Variants in NALF1 observed in about 807,000 individuals in gnomAD.
NALF1 encodes NALCN channel auxiliary factor 1.
In NALF1, 3 loss-of-function variants were observed where a neutral mutation model predicts 48.4. The observed-to-expected ratio is 0.06, with a 90% CI of 0.03 to 0.16. The LOEUF (loss-of-function observed/expected upper bound fraction) is 0.16. NALF1 is among the 10% of genes least tolerant of loss of function. The probability of loss-of-function intolerance (pLI) is 1.00; values close to 1 mark genes in which losing one functional copy is unlikely to be tolerated. For synonymous variants in NALF1, 262 were observed against 245.7 expected, an observed-to-expected ratio of 1.07 and a Z score of -0.62; for missense variants, 526 against 571.5, an observed-to-expected ratio of 0.92 and a Z score of 0.81.
At chr13:107,593,731 C>T (rs772486913) in intron 1 of NALF1, among the ~76,000 whole-genome samples, 4 of 151,452 alleles carry the variant, frequency 2.6e-5, no homozygotes, top group Non-Finnish European at 1.5e-5. Context: ...AATAAAACAA[C>T]CGTTTAATGC....
chr13:107,602,992 TAGAC>T (rs773532036), intron 1 of NALF1, among the ~76,000 whole-genome samples: 58 of 152,310 alleles, frequency 3.8e-4, no homozygotes, highest in African/African-American at 1.3e-3. Context: ...TCTCTTAACA[TAGAC>T]AGACTCTCTG....
intron 1 of NALF1, among the ~76,000 whole-genome samples, chr13:107,724,402 C>A (rs1359043416): frequency 6.6e-6 from 1 of 152,070 alleles, no homozygotes; most frequent in Non-Finnish European, 1.5e-5. Flanking sequence ...TATCTTATTT[C>A]TTTTTAATGT....
At chr13:107,489,247 C>A (rs1885378519) in intron 1 of NALF1, among the ~76,000 whole-genome samples, 1 of 152,090 alleles carries the variant, frequency 6.6e-6, no homozygotes, top group Admixed American at 6.6e-5. Flanking sequence ...ATTAAACTAC[C>A]AATGACATTA....
In NALF1 at chr13:107,611,764, G is replaced by A. The variant is rs1287568392; in HGVS notation, c.915+253918C>T. ...AAAGCAAGAGAGAGATAAAAAAAGA[G>A]AACAAAAAATTAGCAGGGAATGGTG... On this transcript the variant is annotated intron_variant, in intron 1 of 2. Transcript: ENST00000375915. Among the ~76,000 whole-genome samples the A allele has an allele frequency of 5.3e-5, 8 of 151,168 alleles. No homozygotes were observed. The East Asian group carries it at 1.4e-3, about 26-fold the overall frequency.
chr13:107,831,919 A>C (rs1201689569), intron 1 of NALF1, among the ~76,000 whole-genome samples: 1 of 152,210 alleles, frequency 6.6e-6, no homozygotes. Context: ...AAGACAGTTA[A>C]TTTTAAGGAA....
intron 1 of NALF1, among the ~76,000 whole-genome samples, chr13:107,492,561 T>G (rs1875177345): frequency 2.0e-5 from 3 of 152,160 alleles, no homozygotes; most frequent in African/African-American, 7.2e-5. Context: ...CTCGCCTTAC[T>G]CAACAGCTTG....
At chr13:107,631,543 C>T (rs1298129570) in intron 1 of NALF1, among the ~76,000 whole-genome samples, 2 of 152,050 alleles carry the variant, frequency 1.3e-5, no homozygotes, top group African/African-American at 4.8e-5. Context: ...ACTGAGTTTA[C>T]TAAATATCCA....
At chr13:107,538,790 T>A (rs1876914829) in intron 1 of NALF1, among the ~76,000 whole-genome samples, 1 of 152,202 alleles carries the variant, frequency 6.6e-6, no homozygotes, top group South Asian at 2.1e-4. Context: ...GGATCCTATC[T>A]GTTCCACAAG....
chr13:107,537,829 C>A (rs368829441), intron 1 of NALF1, among the ~76,000 whole-genome samples: 1 of 152,010 alleles, frequency 6.6e-6, no homozygotes, highest in Non-Finnish European at 1.5e-5. Flanking sequence ...ACCAGCCTGG[C>A]CAACATGGTG....
chr13:107,583,699 T>C lies in NALF1; in HGVS notation c.915+281983A>G, dbSNP rs9559071. On this transcript the variant is annotated intron_variant, in intron 1 of 2. Coordinates refer to ENST00000375915, the MANE Select transcript of NALF1 (RefSeq NM_001080396.3). ...GGATTCTTTACCTGGCATCAGTAAA[T>C]ACACATTTTTGGAAGTACTTAACCT... Among the ~76,000 whole-genome samples, 3,369 of 152,292 alleles carry C rather than the reference T, an allele frequency of 0.022. 216 individuals carry two copies. The East Asian group carries it at 0.26, about 12-fold the overall frequency.
intron 1 of NALF1, among the ~76,000 whole-genome samples, chr13:107,498,643 C>T (rs1457850036): frequency 6.6e-6 from 1 of 152,008 alleles, no homozygotes; most frequent in Non-Finnish European, 1.5e-5. Flanking sequence ...TGAGGAATTC[C>T]TGGCAAATGA....
At chr13:107,187,101 C>T (rs971204634) in intron 2 of NALF1, among the ~76,000 whole-genome samples, 3 of 152,172 alleles carry the variant, frequency 2.0e-5, no homozygotes, top group South Asian at 4.1e-4. Flanking sequence ...TCTTCTGTCT[C>T]GTCTCTTTGA....
chr13:107,624,469 G>A (rs1472024766), intron 1 of NALF1, among the ~76,000 whole-genome samples: 2 of 152,116 alleles, frequency 1.3e-5, no homozygotes, highest in East Asian at 3.8e-4. Context: ...ACCACAGGAT[G>A]TCATCCTGTA....
At chr13:107,707,700 T>C (rs1875441389) in intron 1 of NALF1, among the ~76,000 whole-genome samples, 1 of 152,206 alleles carries the variant, frequency 6.6e-6, no homozygotes, top group Admixed American at 6.5e-5. Context: ...TATTTGAGGG[T>C]AGACTTCATT....
intron 1 of NALF1, among the ~76,000 whole-genome samples, chr13:107,801,557 G>A (rs1182863591): frequency 2.6e-5 from 4 of 152,140 alleles, no homozygotes; most frequent in African/African-American, 9.7e-5. Context: ...CTTGGCAGCT[G>A]TCAATGGAAA....
intron 1 of NALF1, among the ~76,000 whole-genome samples, chr13:107,672,931 C>T (rs1385515099): frequency 6.6e-6 from 1 of 152,100 alleles, no homozygotes; most frequent in Non-Finnish European, 1.5e-5. Context: ...CCAATACTTC[C>T]CTTTTCTTTC....
intron 1 of NALF1, among the ~76,000 whole-genome samples, chr13:107,534,373 A>C (rs1404491193): frequency 6.6e-6 from 1 of 152,168 alleles, no homozygotes; most frequent in Non-Finnish European, 1.5e-5. Context: ...AACTATTTGT[A>C]ATTCAGTTAA....
intron 2 of NALF1, among the ~76,000 whole-genome samples, chr13:107,201,967 C>A (rs1036499576): frequency 3.3e-5 from 5 of 152,068 alleles, no homozygotes; most frequent in African/African-American, 4.8e-5. Flanking sequence ...CTCTTTTGAC[C>A]CCATAAATTG....
At chr13:107,636,065 C>A (rs547455251) in intron 1 of NALF1, among the ~76,000 whole-genome samples, 1 of 152,070 alleles carries the variant, frequency 6.6e-6, no homozygotes, top group Non-Finnish European at 1.5e-5. Context: ...GTAATTGCGG[C>A]TTTTGCCACT....
Sources: gnomAD v4.1 joint callset for allele counts (sites outside exome capture counted in the v4.1 genomes callset) on GRCh38, gnomAD v4.1.1 for gene constraint, MANE v1.5 for transcripts, NCBI Gene and HGNC (gene_info 2026-07-23, HGNC 2026-07-21) for gene names.